Variants in PALLD observed in about 807,000 individuals in gnomAD.
PALLD encodes palladin.
In PALLD, 61 loss-of-function variants were observed where a neutral mutation model predicts 123.5. The ratio of observed to expected loss-of-function variants is 0.49; its 90% CI spans 0.40 to 0.61. PALLD has a LOEUF of 0.61. PALLD is among the 20% of genes least tolerant of loss of function. The pLI is 0.00. For missense variants in PALLD, 1,273 were observed against 1,377.0 expected, an observed-to-expected ratio of 0.92 and a Z score of 1.20; for synonymous variants, 465 against 496.4, an observed-to-expected ratio of 0.94 and a Z score of 0.84.
At chr4:168,670,656 C>T (rs1780121697) in intron 3 of PALLD, among the ~76,000 whole-genome samples, 1 of 148,810 alleles carries the variant, frequency 6.7e-6, no homozygotes, top group African/African-American at 2.5e-5. Flanking sequence ...TTGCGTGAAC[C>T]CGGGAAGCGG....
chr4:168,896,133 C>T (rs1581971039), intron 12 of PALLD, among the ~76,000 whole-genome samples: 1 of 151,808 alleles, frequency 6.6e-6, no homozygotes, highest in South Asian at 2.1e-4. Context: ...TCGCTTGAAC[C>T]CAGGAGACAG....
chr4:168,867,904 GAGAAAAAAAAAAAA>G (rs1750527393), intron 10 of PALLD, among the ~76,000 whole-genome samples: 2 of 131,818 alleles, frequency 1.5e-5, no homozygotes, highest in South Asian at 4.8e-4. Flanking sequence ...TTTAAGTGAA[GAGAAAAAAAAAAAA>G]AGAAAAAAAA....
chr4:168,719,556 A>G (rs1040960800), intron 10 of PALLD, among the ~76,000 whole-genome samples: 10 of 152,174 alleles, frequency 6.6e-5, no homozygotes, highest in African/African-American at 2.2e-4. Context: ...CACCATGCCC[A>G]GCCAAAAGTA....
At chr4:168,652,105 G>A (rs904415146) in intron 2 of PALLD, among the ~76,000 whole-genome samples, 6 of 152,082 alleles carry the variant, frequency 3.9e-5, no homozygotes, top group Admixed American at 3.3e-4. Flanking sequence ...CACATACCGC[G>A]TGACCATGGC....
At chr4:168,516,316 C>T (rs1179502039) in intron 2 of PALLD, among the ~76,000 whole-genome samples, 2 of 152,138 alleles carry the variant, frequency 1.3e-5, no homozygotes, top group Non-Finnish European at 1.5e-5. Context: ...TCCTTCCAAA[C>T]AGCATAAAGA....
At chr4:168,524,450 A>G (rs1763858548) in intron 2 of PALLD, among the ~76,000 whole-genome samples, 2 of 152,136 alleles carry the variant, frequency 1.3e-5, no homozygotes, top group African/African-American at 4.8e-5. Context: ...CTGGGTCTAT[A>G]CTTTTTTGTT....
intron 13 of PALLD, among the ~76,000 whole-genome samples, chr4:168,897,643 G>A (rs1261210283): frequency 6.6e-6 from 1 of 152,032 alleles, no homozygotes; most frequent in African/African-American, 2.4e-5. Flanking sequence ...GTAGAGATGG[G>A]GTCTCACTTT....
At chr4:168,829,866 A>C (rs545178281) in intron 10 of PALLD, among the ~76,000 whole-genome samples, 1 of 152,324 alleles carries the variant, frequency 6.6e-6, no homozygotes, top group Admixed American at 6.5e-5. Context: ...CCTCTCAAAA[A>C]TGCAAGAGAT....
intron 2 of PALLD, among the ~76,000 whole-genome samples, chr4:168,525,018 G>A (rs190689004): frequency 7.9e-5 from 12 of 152,170 alleles, no homozygotes; most frequent in South Asian, 4.1e-4. Flanking sequence ...TAACAGATAT[G>A]ACTTGTAATC....
intron 15 of PALLD, among the ~76,000 whole-genome samples, chr4:168,910,681 C>T (rs573340465): frequency 6.6e-6 from 1 of 152,018 alleles, no homozygotes; most frequent in Admixed American, 6.6e-5. Context: ...AACTATATGG[C>T]CTTGTTTTAC....
chr4:168,525,103 G>GA (rs1475179216), intron 2 of PALLD, among the ~76,000 whole-genome samples: 3 of 152,128 alleles, frequency 2.0e-5, no homozygotes, highest in Non-Finnish European at 4.4e-5. Context: ...ATGTTGGCCA[G>GA]AATCCTGCAA....
chr4:168,808,630 AC>A (rs1212252460), intron 10 of PALLD, among the ~76,000 whole-genome samples: 3 of 152,236 alleles, frequency 2.0e-5, no homozygotes, highest in Non-Finnish European at 4.4e-5. Flanking sequence ...TGGGCAATTT[AC>A]AAAAGAGATT....
At chr4:168,621,735 T>A (rs1580622438) in intron 2 of PALLD, among the ~76,000 whole-genome samples, 1 of 152,310 alleles carries the variant, frequency 6.6e-6, no homozygotes, top group Middle Eastern at 3.4e-3. Flanking sequence ...ACCTCTCTCT[T>A]GGCAGGTGTG....
chr4:168,736,178 A>G (rs1787735669), intron 10 of PALLD, among the ~76,000 whole-genome samples: 1 of 152,236 alleles, frequency 6.6e-6, no homozygotes, highest in Admixed American at 6.5e-5. Flanking sequence ...TTTCTCAAAA[A>G]TGGCCTCATT....
At chr4:168,734,182 CAT>C (rs1787493920) in intron 10 of PALLD, among the ~76,000 whole-genome samples, 1 of 152,020 alleles carries the variant, frequency 6.6e-6, no homozygotes, top group Non-Finnish European at 1.5e-5. Context: ...TAATTAGTAA[CAT>C]CAGTGTTAAC....
Position 168,877,975 on chromosome 4 carries a change from C to T in PALLD, c.1965-12947C>T, listed in dbSNP as rs1279362848. The T allele has an allele frequency of 1.1e-5, 16 of 1,501,720 alleles. No individual in the cohort carries two copies. Among genetic ancestry groups the T allele is most frequent in the Middle Eastern group, 1.7e-4 (1 of 5,748 alleles). 93.0% of individuals were successfully genotyped at this position (1,501,720 alleles called of 1,614,324 possible). ...ACGCGCGCCCCAAGCAGTTCATCGC[C>T]GCGCAGAACCTCGGGCCCGCGTCGG... On this transcript the variant is annotated intron_variant, in intron 10 of 21. Transcript: ENST00000505667.
At chr4:168,560,962 G>C (rs1449485698) in intron 2 of PALLD, among the ~76,000 whole-genome samples, 1 of 152,132 alleles carries the variant, frequency 6.6e-6, no homozygotes, top group Non-Finnish European at 1.5e-5. Flanking sequence ...AAGCAGAGTT[G>C]CCTGCAATAA....
intron 2 of PALLD, among the ~76,000 whole-genome samples, chr4:168,523,041 C>A (rs899714769): frequency 6.6e-6 from 1 of 152,098 alleles, no homozygotes; most frequent in African/African-American, 2.4e-5. Flanking sequence ...ATATGATCCA[C>A]ATGTTGTGGT....
At chr4:168,729,127 G>T (rs1479423111) in intron 10 of PALLD, among the ~76,000 whole-genome samples, 1 of 152,138 alleles carries the variant, frequency 6.6e-6, no homozygotes, top group Non-Finnish European at 1.5e-5. Flanking sequence ...TTTAAATTTT[G>T]TCCAATTTCT....
Sources: allele counts gnomAD v4.1 joint callset (sites outside exome capture counted in the v4.1 genomes callset), GRCh38; gene constraint gnomAD v4.1.1; transcripts MANE v1.5; gene names NCBI Gene and HGNC (gene_info 2026-07-23, HGNC 2026-07-21).